Variants in MID1 observed in about 807,000 individuals in gnomAD.
MID1 encodes the protein midline 1.
MID1 carries 7 observed loss-of-function variants against 40.4 expected under a neutral mutation model. The ratio of observed to expected loss-of-function variants is 0.17; its 90% CI spans 0.10 to 0.33. The LOEUF (loss-of-function observed/expected upper bound fraction) is 0.33, where lower values mean the gene tolerates loss of function less well. Ranked by LOEUF, MID1 falls within the 10% of genes least tolerant of loss-of-function variation. The pLI is 1.00. For synonymous variants in MID1, 229 were observed against 221.2 expected (o/e 1.04, Z -0.31); for missense variants, 367 against 558.5 (o/e 0.66, Z 3.46).
chrX:10,477,244 T>C (rs73492960), intron 5 of MID1, among the ~76,000 whole-genome samples: 1 of 112,649 alleles, frequency 8.9e-6, no homozygotes, highest in Non-Finnish European at 1.9e-5. Flanking sequence ...CTTTATTCAG[T>C]CTCATCCAAA....
Position 10,451,771 on chromosome X carries a change from G to A in MID1, c.1656-2055C>T, listed in dbSNP as rs186386170. Among the ~76,000 whole-genome samples, 5 of 111,622 alleles carry A rather than the reference G, an allele frequency of 4.5e-5. No homozygotes were observed. In the East Asian group the frequency reaches 8.4e-4, roughly 19 times the overall value. On this transcript the variant is annotated intron_variant, in intron 9 of 9. Transcript: ENST00000317552. Reference sequence around the variant, plus strand: ...TTGCCTGCTGCCATCCATGTAAGACGGGACTTGTTCCTCCTTGCCTTCTGC... The same window carrying A: ...TTGCCTGCTGCCATCCATGTAAGACAGGACTTGTTCCTCCTTGCCTTCTGC...
chrX:10,510,325 C>T (rs1022100971), intron 3 of MID1, among the ~76,000 whole-genome samples: 1 of 111,487 alleles, frequency 9.0e-6, no homozygotes, highest in African/African-American at 3.3e-5. Context: ...AAAGTACCCT[C>T]GAGCCGCTCT....
chrX:10,536,458 G>A (rs1171659775), intron 2 of MID1, among the ~76,000 whole-genome samples: 1 of 112,716 alleles, frequency 8.9e-6, no homozygotes, highest in Non-Finnish European at 1.9e-5. Context: ...TCAGTTCCCT[G>A]AACTATATTT....
At chrX:10,663,202 C>T (rs2042927943) in intron 1 of MID1, among the ~76,000 whole-genome samples, 1 of 111,024 alleles carries the variant, frequency 9.0e-6, no homozygotes, top group African/African-American at 3.3e-5. Flanking sequence ...TTCCCAGTGT[C>T]CTACAACCAT....
intron 1 of MID1, among the ~76,000 whole-genome samples, chrX:10,740,911 C>T (rs1469974801): frequency 9.1e-6 from 1 of 109,491 alleles, no homozygotes; most frequent in Non-Finnish European, 1.9e-5. Flanking sequence ...AGTAATTTAT[C>T]TTAAAGTCTA....
intron 6 of MID1, 119 bp downstream of exon 6, chrX:10,474,501 TATC>T: frequency 1.4e-6 from 1 of 705,161 alleles, no homozygotes; most frequent in Non-Finnish European, 2.2e-6. Flanking sequence ...TTTATGGAAA[TATC>T]AGTGCCATTC....
At chrX:10,784,263 A>C (rs1036794078) in intron 1 of MID1, among the ~76,000 whole-genome samples, 3 of 110,659 alleles carry the variant, frequency 2.7e-5, no homozygotes, top group African/African-American at 9.9e-5. Context: ...ACACTTCACA[A>C]TGCCTTCACA....
chrX:10,459,511 C>A, intron 8 of MID1, 135 bp downstream of exon 8: 2 of 688,243 alleles, frequency 2.9e-6, no homozygotes, highest in Non-Finnish European at 4.5e-6. Context: ...TCCATTATTC[C>A]ACACTGGCTT....
intron 1 of MID1, among the ~76,000 whole-genome samples, chrX:10,631,857 T>G (rs1223813282): frequency 8.9e-6 from 1 of 112,182 alleles, no homozygotes; most frequent in Non-Finnish European, 1.9e-5. Context: ...CTGTCATTAA[T>G]GTCATTTAGG....
intron 1 of MID1, among the ~76,000 whole-genome samples, chrX:10,570,577 T>C (rs1218869682): frequency 8.9e-6 from 1 of 112,428 alleles, no homozygotes; most frequent in Non-Finnish European, 1.9e-5. Context: ...ATGTACTGAC[T>C]TTTCAGCTAA....
chrX:10,778,616 G>A (rs2043823621), intron 1 of MID1, among the ~76,000 whole-genome samples: 1 of 112,351 alleles, frequency 8.9e-6, no homozygotes, highest in African/African-American at 3.2e-5. Flanking sequence ...TATTTTAAGG[G>A]TGAGGCAGGA....
chrX:10,794,560 A>C (rs2043955728), intron 1 of MID1, among the ~76,000 whole-genome samples: 2 of 112,254 alleles, frequency 1.8e-5, no homozygotes, highest in African/African-American at 6.5e-5. Flanking sequence ...TAAATCACAA[A>C]GTGTGATGAC....
chrX:10,565,807 A>AT (rs1172327892), intron 2 of MID1, among the ~76,000 whole-genome samples: 9,822 of 86,931 alleles, frequency 0.11, 647 homozygotes, highest in African/African-American at 0.19. Context: ...TTAGAGAGTG[A>AT]TTTTTTTTTT....
intron 1 of MID1, among the ~76,000 whole-genome samples, chrX:10,595,750 C>T (rs1935399361): frequency 9.0e-6 from 1 of 110,835 alleles, no homozygotes; most frequent in African/African-American, 3.3e-5. Flanking sequence ...TGCTATCACA[C>T]AGTAGGGTGA....
intron 3 of MID1, among the ~76,000 whole-genome samples, chrX:10,519,327 C>T (rs1459413834): frequency 1.8e-5 from 2 of 111,601 alleles, no homozygotes; most frequent in African/African-American, 6.5e-5. Flanking sequence ...TCCATTTATT[C>T]ATATAATACA....
At chrX:10,636,279 C>T (rs1936108505) in intron 1 of MID1, among the ~76,000 whole-genome samples, 1 of 111,910 alleles carries the variant, frequency 8.9e-6, no homozygotes, top group Admixed American at 9.5e-5. Flanking sequence ...TCTCTTTCCA[C>T]CCTGACCAAT....
At chrX:10,489,935 T>C (rs940726546) in intron 4 of MID1, among the ~76,000 whole-genome samples, 1 of 111,234 alleles carries the variant, frequency 9.0e-6, no homozygotes, top group Non-Finnish European at 1.9e-5. Flanking sequence ...GACCTCGTGA[T>C]CCGCCCGCCT....
intron 2 of MID1, among the ~76,000 whole-genome samples, chrX:10,549,846 C>T (rs56791922): frequency 0.022 from 2,517 of 112,234 alleles, 85 homozygotes; most frequent in African/African-American, 0.077. Context: ...TCGAGCTCAG[C>T]GCTTTCATGA....
intron 1 of MID1, among the ~76,000 whole-genome samples, chrX:10,578,701 T>G (rs60380243): frequency 0.023 from 2,525 of 112,078 alleles, 85 homozygotes; most frequent in African/African-American, 0.077. Flanking sequence ...AAGGCAATGA[T>G]AGCAGACTGG....
Sources: allele counts gnomAD v4.1 joint callset (sites outside exome capture counted in the v4.1 genomes callset), GRCh38; gene constraint gnomAD v4.1.1; transcripts MANE v1.5; gene names NCBI Gene and HGNC (gene_info 2026-07-23, HGNC 2026-07-21).